OS9: variants seen among roughly 807,000 people sequenced by gnomAD.
The protein encoded by OS9 is OS9 endoplasmic reticulum lectin.
A neutral mutation model predicts 84.7 loss-of-function variants in OS9; 58 were observed. That is an observed-to-expected ratio of 0.68 (90% CI 0.55 to 0.85). The LOEUF is 0.85. Among genes scored for constraint, OS9 ranks in the 40% least tolerant of loss-of-function variants. OS9 has a pLI of 0.00. For missense variants in OS9, 760 were observed against 850.9 expected (o/e 0.89, Z 1.33); for synonymous variants, 278 against 320.8 (o/e 0.87, Z 1.43).
rs144820101 is a variant in OS9 at position 57,695,987 on chromosome 12, C to T, written c.429C>T (p.Leu143=). ...MEDSEIKGEV[L]YLGYYQSAFD... is the part of the protein sequence containing the mutation. The stretch of plus-strand genomic sequence containing the variant: ...ATTCAGAGATCAAAGGTGAAGTCCT[C>T]TATCTCGGCTACTACCAATCAGCCT... Residue 143 remains leucine, a synonymous_variant, in exon 4 of 15, where the codon CTC becomes CTT. Coordinates refer to ENST00000315970, the MANE Select transcript of OS9 (RefSeq NM_006812.4). 46 of 1,613,560 alleles carry T rather than the reference C, an allele frequency of 2.9e-5. No homozygotes were observed. The African/African-American group carries it at 4.9e-4, about 17-fold the overall frequency.
At chr12:57,717,670 G>A (rs1294745707) in intron 9 of OS9, among the ~76,000 whole-genome samples, 200 bp from the exon 10 acceptor site, 2 of 151,842 alleles carry the variant, frequency 1.3e-5, no homozygotes, top group Non-Finnish European at 2.9e-5. Context: ...GCAGGCGCCT[G>A]TAATCCCAGC....
chr12:57,715,734 T>C (rs1402837160), intron 5 of OS9, 26 bp from the exon 6 acceptor site: 2 of 1,504,334 alleles, frequency 1.3e-6, no homozygotes, highest in African/African-American at 1.4e-5. Context: ...GGTGATTAAG[T>C]GTATTCATCC....
At chr12:57,711,485 T>C (rs756514644) in intron 5 of OS9, among the ~76,000 whole-genome samples, 12 of 151,674 alleles carry the variant, frequency 7.9e-5, no homozygotes, top group Admixed American at 4.6e-4. Flanking sequence ...TAGCTGGGAC[T>C]ACAGGTGTGC....
At position 57,704,956 on chromosome 12, in the gene OS9, C is replaced by T. The variant is rs181863227; in HGVS notation, c.579+8583C>T. On this transcript the variant is annotated intron_variant, in intron 5 of 14. Transcript: ENST00000315970. ...TTAATGTATGTTATAAGGTTAGGAC[C>T]TAGATACACCTATTTTCCACAGTTG... Among the ~76,000 whole-genome samples, 12 of 151,992 alleles carry T rather than the reference C, an allele frequency of 7.9e-5. No individual in the cohort carries two copies. The East Asian group carries it at 2.3e-3, about 29-fold the overall frequency.
chr12:57,699,385 T>C (rs1953955118), intron 5 of OS9, among the ~76,000 whole-genome samples: 1 of 151,986 alleles, frequency 6.6e-6, no homozygotes, highest in Non-Finnish European at 1.5e-5. Context: ...CAGTATCTAA[T>C]GAGAAAAGTG....
intron 5 of OS9, among the ~76,000 whole-genome samples, chr12:57,704,052 T>G (rs1202822854): frequency 6.6e-6 from 1 of 152,238 alleles, no homozygotes; most frequent in Non-Finnish European, 1.5e-5. Context: ...ATTTTCTGCA[T>G]CAGTTGAGAT....
chr12:57,700,662 C>T (rs1434004963), intron 5 of OS9, among the ~76,000 whole-genome samples: 1 of 151,796 alleles, frequency 6.6e-6, no homozygotes, highest in Non-Finnish European at 1.5e-5. Context: ...TAAATAAATT[C>T]CTATTTATTG....
chr12:57,695,705 G>T, intron 2 of OS9, 75 bp from the exon 3 acceptor site: 1 of 909,358 alleles, frequency 1.1e-6, no homozygotes, highest in East Asian at 2.4e-5. Context: ...TATGTGTCTT[G>T]GAGCCAGGAG....
intron 9 of OS9, among the ~76,000 whole-genome samples, chr12:57,717,365 A>G (rs2140332732): frequency 6.6e-6 from 1 of 152,360 alleles, no homozygotes; most frequent in Non-Finnish European, 1.5e-5. Context: ...ACCTGTCCTT[A>G]GGAATCCAGA....
At position 57,716,019 on chromosome 12, in the gene OS9, G is replaced by C. The variant is rs145063614; in HGVS notation, c.790+49G>C. 2,516 of 1,598,678 alleles carry C rather than the reference G, an allele frequency of 1.6e-3. 83 individuals are homozygous for C. The East Asian group carries it at 0.045, about 29-fold the overall frequency. ...AAGACGGGGAGATACGGGGGCAGGG[G>C]GTGGCAAAAGATCAAGTATTGAATA... On this transcript the variant is annotated intron_variant, in intron 6 of 14. Transcript: ENST00000315970.
intron 5 of OS9, among the ~76,000 whole-genome samples, chr12:57,707,632 C>T (rs991884657): frequency 6.6e-6 from 1 of 152,200 alleles, no homozygotes; most frequent in Non-Finnish European, 1.5e-5. Flanking sequence ...CTCCTGACCT[C>T]AGGTGATCCA....
At chr12:57,705,216 C>T (rs1954131859) in intron 5 of OS9, among the ~76,000 whole-genome samples, 1 of 152,128 alleles carries the variant, frequency 6.6e-6, no homozygotes, top group South Asian at 2.1e-4. Flanking sequence ...TTGGGGCTAT[C>T]ATTGGCCAAG....
chr12:57,700,502 A>G (rs1456332547), intron 5 of OS9, among the ~76,000 whole-genome samples: 1 of 152,152 alleles, frequency 6.6e-6, no homozygotes, highest in Admixed American at 6.6e-5. Flanking sequence ...TTCTTATGCC[A>G]CTTGCCTAGG....
At chr12:57,719,309 C>A in intron 12 of OS9, 127 bp downstream of exon 12, 1 of 721,956 alleles carries the variant, frequency 1.4e-6, no homozygotes, top group Non-Finnish European at 2.3e-6. Context: ...CTTTCTGGAA[C>A]ACTGTCCTCA....
At chr12:57,716,019 G>T in intron 6 of OS9, 49 bp downstream of exon 6, 1 of 1,598,682 alleles carries the variant, frequency 6.3e-7, no homozygotes, top group East Asian at 2.2e-5. Flanking sequence ...GGGGGCAGGG[G>T]GTGGCAAAAG....
chr12:57,715,973 G>A lies in OS9; in HGVS notation c.790+3G>A, dbSNP rs369249844. On this transcript the variant is annotated splice_donor_region_variant and intron_variant, in intron 6 of 14. Coordinates refer to ENST00000315970, the MANE Select transcript of OS9 (RefSeq NM_006812.4). Reference sequence around the variant, plus strand: ...GGCCTACGTTCAGAGGCAAGCCGGTGAGTAATTAGAGAAGGAGGAGAAGAC... The same window carrying A: ...GGCCTACGTTCAGAGGCAAGCCGGTAAGTAATTAGAGAAGGAGGAGAAGAC... The A allele has an allele frequency of 6.3e-5, 101 of 1,611,228 alleles. No individual in the cohort carries two copies. The highest frequency in any genetic ancestry group is 1.5e-4 in the African/African-American group (11 of 74,874).
chr12:57,714,099 C>A (rs897158257), intron 5 of OS9, among the ~76,000 whole-genome samples: 1 of 150,672 alleles, frequency 6.6e-6, no homozygotes, highest in African/African-American at 2.4e-5. Flanking sequence ...ACAGTGAGAC[C>A]CTGTCTGAAA....
Position 57,707,927 on chromosome 12 carries a change from T to TG in OS9, c.580-7831dup, listed in dbSNP as rs570804682. 2.3e-4 allele frequency among the ~76,000 whole-genome samples: 31 copies of TG among 136,776 alleles called. No homozygotes were observed. The East Asian group carries it at 9.9e-3, about 44-fold the overall frequency. The allele number at this position is 136,776 out of a possible 152,430, so 89.7% of individuals were successfully genotyped here. A position where few individuals can be genotyped will look rare whatever the true frequency, so the allele number is the denominator to read the frequency against. On this transcript the variant is annotated intron_variant, in intron 5 of 14. Coordinates refer to ENST00000315970, the MANE Select transcript of OS9 (RefSeq NM_006812.4). Reference sequence around the variant, plus strand: ...GCAACACAGTGAGACCCTGTCTCTATGGAAAAAAAAAAAAAATTAGCCAGG... The same window carrying TG: ...GCAACACAGTGAGACCCTGTCTCTATGGGAAAAAAAAAAAAAATTAGCCAGG...
At chr12:57,697,268 AC>A (rs1401856526) in intron 5 of OS9, among the ~76,000 whole-genome samples, 2 of 152,160 alleles carry the variant, frequency 1.3e-5, no homozygotes, top group Non-Finnish European at 2.9e-5. Flanking sequence ...TCCAAAACTT[AC>A]CAGTTGGCTC....
Sources: gnomAD v4.1 joint callset for allele counts (sites outside exome capture counted in the v4.1 genomes callset) on GRCh38, gnomAD v4.1.1 for gene constraint, MANE v1.5 for transcripts, NCBI Gene and HGNC (gene_info 2026-07-23, HGNC 2026-07-21) for gene names.